BRINP3: variants seen among roughly 807,000 people sequenced by gnomAD.
The protein encoded by BRINP3 is BMP/retinoic acid-inducible neural-specific protein 3.
BRINP3 carries 19 observed loss-of-function variants against 71.0 expected under a neutral mutation model. The observed-to-expected ratio is 0.27, with a 90% CI of 0.19 to 0.39. The LOEUF (loss-of-function observed/expected upper bound fraction) is 0.39, where lower values mean the gene tolerates loss of function less well. Ranked by LOEUF, BRINP3 falls within the 10% of genes least tolerant of loss-of-function variation. The probability of loss-of-function intolerance (pLI) is 1.00; values close to 1 mark genes in which losing one functional copy is unlikely to be tolerated. For missense variants in BRINP3, 959 were observed against 940.8 expected (o/e 1.02, Z -0.25); for synonymous variants, 380 against 337.7 (o/e 1.13, Z -1.37).
chr1:190,318,379 A>G (rs1359117465), intron 2 of BRINP3, among the ~76,000 whole-genome samples: 1 of 152,104 alleles, frequency 6.6e-6, no homozygotes, highest in Non-Finnish European at 1.5e-5. Context: ...GATTTGTACC[A>G]ATTTCCCTTT....
At chr1:190,295,725 G>A (rs1664198702) in intron 2 of BRINP3, among the ~76,000 whole-genome samples, 1 of 151,950 alleles carries the variant, frequency 6.6e-6, no homozygotes, top group Non-Finnish European at 1.5e-5. Context: ...CACTGTGGCA[G>A]GGCCAGCACT....
At chr1:190,387,342 C>A (rs2102285289) in intron 2 of BRINP3, among the ~76,000 whole-genome samples, 1 of 151,964 alleles carries the variant, frequency 6.6e-6, no homozygotes. Flanking sequence ...TTTCAGTTAA[C>A]CAAAGAAACT....
At chr1:190,120,379 A>T (rs1253848943) in intron 7 of BRINP3, among the ~76,000 whole-genome samples, 1 of 152,212 alleles carries the variant, frequency 6.6e-6, no homozygotes, top group Non-Finnish European at 1.5e-5. Context: ...AAACAAGAAA[A>T]CAGCAGGTTC....
chr1:190,456,693 C>T (rs1676013981), intron 1 of BRINP3, among the ~76,000 whole-genome samples: 1 of 151,974 alleles, frequency 6.6e-6, no homozygotes, highest in African/African-American at 2.4e-5. Flanking sequence ...AAAAATATTA[C>T]TCGTCTTTGT....
chr1:190,195,320 T>C (rs1654384605), intron 6 of BRINP3, among the ~76,000 whole-genome samples: 1 of 151,958 alleles, frequency 6.6e-6, no homozygotes, highest in Non-Finnish European at 1.5e-5. Flanking sequence ...ATAAGACCGA[T>C]TTTTATAATT....
At chr1:190,337,868 ATTGTTGTTGTTG>A (rs372440917) in intron 2 of BRINP3, among the ~76,000 whole-genome samples, 5 of 151,706 alleles carry the variant, frequency 3.3e-5, no homozygotes, top group African/African-American at 1.2e-4. Context: ...CTTGGGTTTT[ATTGTTGTTGTTG>A]TTGTTGTTGT....
At chr1:190,472,837 A>ACACACT (rs1232907373) in intron 1 of BRINP3, among the ~76,000 whole-genome samples, 1 of 151,370 alleles carries the variant, frequency 6.6e-6, no homozygotes, top group Non-Finnish European at 1.5e-5. Flanking sequence ...ACACACACAC[A>ACACACT]CTTTGAGTCC....
chr1:190,253,790 T>G (rs2102826368), intron 4 of BRINP3, among the ~76,000 whole-genome samples: 1 of 151,792 alleles, frequency 6.6e-6, no homozygotes, highest in Admixed American at 6.6e-5. Context: ...ATTTGTGTAT[T>G]TTGGCTTTTG....
At chr1:190,179,699 A>C (rs1652860092) in intron 6 of BRINP3, among the ~76,000 whole-genome samples, 1 of 152,172 alleles carries the variant, frequency 6.6e-6, no homozygotes, top group African/African-American at 2.4e-5. Flanking sequence ...ATATAAAGTG[A>C]ATAGTCTTTC....
intron 6 of BRINP3, among the ~76,000 whole-genome samples, chr1:190,196,618 G>A (rs1218841948): frequency 1.3e-5 from 2 of 151,962 alleles, no homozygotes; most frequent in African/African-American, 4.8e-5. Context: ...GGTCATTATT[G>A]CTGCCTGTTT....
intron 2 of BRINP3, among the ~76,000 whole-genome samples, chr1:190,304,961 GA>G (rs1664992466): frequency 6.6e-6 from 1 of 151,738 alleles, no homozygotes; most frequent in Admixed American, 6.6e-5. Context: ...AAAATTTGAA[GA>G]GACATTTCTC....
At chr1:190,169,154 A>G (rs192107187) in intron 6 of BRINP3, among the ~76,000 whole-genome samples, 5 of 152,310 alleles carry the variant, frequency 3.3e-5, no homozygotes, top group African/African-American at 7.2e-5. Flanking sequence ...TACCTTAAGT[A>G]TGCATGAGGA....
chr1:190,394,692 G>GT (rs1014338346), intron 2 of BRINP3, among the ~76,000 whole-genome samples: 6 of 151,316 alleles, frequency 4.0e-5, no homozygotes, highest in Admixed American at 2.0e-4. Flanking sequence ...CTATCTATAC[G>GT]TTTTTTCTAA....
intron 2 of BRINP3, among the ~76,000 whole-genome samples, chr1:190,368,326 G>A (rs1243879337): frequency 6.6e-6 from 1 of 151,956 alleles, no homozygotes; most frequent in Non-Finnish European, 1.5e-5. Flanking sequence ...ACTATCACAG[G>A]AATATCATGA....
intron 6 of BRINP3, among the ~76,000 whole-genome samples, chr1:190,178,146 T>G (rs796072050): frequency 1.3e-4 from 20 of 152,300 alleles, no homozygotes; most frequent in African/African-American, 4.1e-4. Flanking sequence ...TATCATATTT[T>G]CATTCTAAAA....
intron 2 of BRINP3, among the ~76,000 whole-genome samples, chr1:190,451,571 G>T (rs1675609899): frequency 6.6e-6 from 1 of 151,716 alleles, no homozygotes; most frequent in Non-Finnish European, 1.5e-5. Flanking sequence ...AACACTTTTA[G>T]AAATGCCTTT....
intron 2 of BRINP3, among the ~76,000 whole-genome samples, chr1:190,345,839 C>T (rs1667989080): frequency 6.6e-6 from 1 of 151,776 alleles, no homozygotes; most frequent in South Asian, 2.1e-4. Flanking sequence ...TTAGAACATT[C>T]ATTGGAAATC....
chr1:190,278,710 G>T (rs1035217129), intron 3 of BRINP3, among the ~76,000 whole-genome samples: 1 of 151,506 alleles, frequency 6.6e-6, no homozygotes, highest in Admixed American at 6.6e-5. Context: ...ACTGAGTAAG[G>T]TTGTTAATTC....
intron 2 of BRINP3, among the ~76,000 whole-genome samples, chr1:190,308,362 G>C (rs1021450175): frequency 5.3e-5 from 8 of 151,594 alleles, no homozygotes; most frequent in African/African-American, 1.5e-4. Context: ...TGTAAGTATT[G>C]TTGTTCTTGC....
Sources: gnomAD v4.1 joint callset for allele counts (sites outside exome capture counted in the v4.1 genomes callset) on GRCh38, gnomAD v4.1.1 for gene constraint, MANE v1.5 for transcripts, NCBI Gene and HGNC (gene_info 2026-07-23, HGNC 2026-07-21) for gene names.